DUT: variants seen among roughly 807,000 people sequenced by gnomAD.
DUT encodes the protein deoxyuridine triphosphatase.
DUT carries 21 observed loss-of-function variants against 28.8 expected under a neutral mutation model. The observed-to-expected ratio is 0.73, with a 90% CI of 0.52 to 1.05. The LOEUF is 1.05. Among genes scored for constraint, DUT ranks in the 50% least tolerant of loss-of-function variants. The pLI is 0.00. For missense variants in DUT, 344 were observed against 351.8 expected (o/e 0.98, Z 0.18); for synonymous variants, 147 against 143.7 (o/e 1.02, Z -0.17).
Position 48,331,511 on chromosome 15 carries a change from G to A in DUT, c.-5G>A, listed in dbSNP as rs752895939. 3 of 1,611,522 alleles carry A rather than the reference G, an allele frequency of 1.9e-6. No individual in the cohort carries two copies. Among genetic ancestry groups the A allele is most frequent in the African/African-American group, 2.7e-5 (2 of 74,804 alleles). On this transcript the variant is annotated 5_prime_UTR_variant, in exon 1 of 7. Coordinates refer to ENST00000331200, the MANE Select transcript of DUT (RefSeq NM_001025248.2). ...AGGACCCAACCAGCCCAAACTCTGG[G>A]GGAAATGACTCCCCTCTGCCCTCGC...
rs749184015 is a variant in DUT, at chr15:48,331,824, C to A, written c.280+29C>A. On this transcript the variant is annotated intron_variant, in intron 1 of 6. Transcript: ENST00000331200. ...GGAAAGGCGGGGGAGGGGCTCCGGC[C>A]GTCTGGAAGGAATCCACGCGGCTTG... 5.8e-6 allele frequency: 7 copies of A among 1,208,330 alleles called. No homozygotes were observed. The South Asian group carries it at 9.8e-5, about 17-fold the overall frequency. 74.9% of individuals were successfully genotyped at this position (1,208,330 alleles called of 1,614,324 possible).
In DUT at chr15:48,342,035, C is replaced by A. The variant is rs2042541945; in HGVS notation, c.716C>A (p.Thr239Asn). 1 of 1,579,216 alleles carries A rather than the reference C, an allele frequency of 6.3e-7. No homozygotes were observed. Among genetic ancestry groups the A allele is most frequent in the Non-Finnish European group, 8.6e-7 (1 of 1,167,478 alleles). ...TCTATCTTTCAGGCCTTGGATGACA[C>A]CGAAAGGGGTTCAGGAGGTTTTGGT... ...EIEEVQALDDTERGSGGFGST... is the reference protein window; with the variant it reads ...EIEEVQALDDNERGSGGFGST... The change falls in exon 7 of 7, where the codon ACC becomes AAC. Residue 239 changes from threonine to asparagine, a missense_variant. Coordinates refer to ENST00000331200, the MANE Select transcript of DUT (RefSeq NM_001025248.2).
rs2042546781 is a variant in DUT at position 48,342,263 on chromosome 15, A to T, written c.*185A>T. On this transcript the variant is annotated 3_prime_UTR_variant, in exon 7 of 7. Coordinates refer to ENST00000331200, the MANE Select transcript of DUT (RefSeq NM_001025248.2). ...AAGATCATTAAAAAAAAACACAAAG[A>T]AGTTTTTCTTTGTGTTTGGATCAAA... The T allele has an allele frequency of 2.7e-6, 1 of 373,778 alleles. No homozygotes were observed. The highest frequency in any genetic ancestry group is 4.8e-6 in the Non-Finnish European group (1 of 210,168). 23.2% of individuals were successfully genotyped at this position (373,778 alleles called of 1,614,324 possible).
intron 4 of DUT, among the ~76,000 whole-genome samples, chr15:48,337,617 T>G (rs1326225328): frequency 1.3e-5 from 2 of 152,220 alleles, no homozygotes; most frequent in Non-Finnish European, 2.9e-5. Context: ...ACTTTTTCTT[T>G]TATTCGACTT....
At chr15:48,333,820 C>T (rs1229101086) in intron 2 of DUT, among the ~76,000 whole-genome samples, 1 of 152,226 alleles carries the variant, frequency 6.6e-6, no homozygotes, top group Non-Finnish European at 1.5e-5. Context: ...ACAGATACAA[C>T]ACAGTTCTTT....
chr15:48,332,543 A>G, intron 2 of DUT, 137 bp downstream of exon 2: 1 of 849,828 alleles, frequency 1.2e-6, no homozygotes, highest in Non-Finnish European at 1.8e-6. Flanking sequence ...TTAAAATTTT[A>G]GCTTTCATCT....
chr15:48,331,878 G>C (rs2042416325), intron 1 of DUT, 83 bp downstream of exon 1: 3 of 724,198 alleles, frequency 4.1e-6, no homozygotes, highest in Non-Finnish European at 5.5e-6. Flanking sequence ...GGTGGCGAGC[G>C]GTCCTTCTGC....
chr15:48,332,723 A>G (rs979261138), intron 2 of DUT: 2 of 571,614 alleles, frequency 3.5e-6, no homozygotes, highest in African/African-American at 3.7e-5. Context: ...TGCTGTGCTC[A>G]ATAGAAAAAC....
rs1395732134 is a variant in DUT, at chr15:48,341,546, T to C, written c.663T>C (p.Ile221=). The part of the protein sequence containing the change: ...VKKGDRIAQL[I]CERIFYPEIE... ...AAGGTGATCGAATTGCACAGCTCAT[T>C]TGCGAACGGATTTTTTATCCAGAAA... Residue 221 remains isoleucine, a synonymous_variant, in exon 6 of 7, where the codon ATT becomes ATC. Coordinates refer to ENST00000331200, the MANE Select transcript of DUT (RefSeq NM_001025248.2). The C allele has an allele frequency of 6.2e-7, 1 of 1,613,120 alleles. No individual in the cohort carries two copies. The highest frequency in any genetic ancestry group is 8.5e-7 in the Non-Finnish European group (1 of 1,179,462).
At chr15:48,339,463 AT>A (rs2042509546) in intron 4 of DUT, among the ~76,000 whole-genome samples, 1 of 152,030 alleles carries the variant, frequency 6.6e-6, no homozygotes, top group Non-Finnish European at 1.5e-5. Context: ...TACTGTGGCC[AT>A]TTTTTCTAGC....
intron 4 of DUT, among the ~76,000 whole-genome samples, chr15:48,338,843 A>G (rs1253510093): frequency 6.6e-6 from 1 of 152,242 alleles, no homozygotes; most frequent in Non-Finnish European, 1.5e-5. Flanking sequence ...GTTACATAGA[A>G]ACAATGGTAC....
rs1254346671 is a variant in DUT at position 48,342,264 on chromosome 15, A to T, written c.*186A>T. 1 of 373,236 alleles carries T rather than the reference A, an allele frequency of 2.7e-6. No individual in the cohort carries two copies. Among genetic ancestry groups the T allele is most frequent in the Non-Finnish European group, 4.8e-6 (1 of 209,976 alleles). 23.1% of individuals were successfully genotyped at this position (373,236 alleles called of 1,614,324 possible). ...AGATCATTAAAAAAAAACACAAAGA[A>T]GTTTTTCTTTGTGTTTGGATCAAAA... On this transcript the variant is annotated 3_prime_UTR_variant, in exon 7 of 7. Coordinates refer to ENST00000331200, the MANE Select transcript of DUT (RefSeq NM_001025248.2).
At chr15:48,334,383 G>C (rs2042452294) in intron 2 of DUT, 34 bp from the exon 3 acceptor site, 1 of 1,358,594 alleles carries the variant, frequency 7.4e-7, no homozygotes, top group Non-Finnish European at 1.0e-6. Context: ...TTTATAAATA[G>C]ATTTGCAGTT....
chr15:48,341,983 A>C, intron 6 of DUT, 39 bp from the exon 7 acceptor site: 2 of 1,509,726 alleles, frequency 1.3e-6, no homozygotes. Flanking sequence ...AGAGGCTCTT[A>C]AAAAAAACTG....
intron 2 of DUT, among the ~76,000 whole-genome samples, chr15:48,333,328 C>T: frequency 6.6e-6 from 1 of 152,236 alleles, no homozygotes; most frequent in Middle Eastern, 3.4e-3. Flanking sequence ...AAACTACAGT[C>T]TCTTAATTTT....
chr15:48,332,198 T>C (rs2141156369), intron 1 of DUT, 70 bp from the exon 2 acceptor site: 2 of 1,510,310 alleles, frequency 1.3e-6, no homozygotes, highest in Non-Finnish European at 1.8e-6. Context: ...GCGACGCTCA[T>C]CGTGCGCTCT....
At chr15:48,338,140 G>T (rs1394472408) in intron 4 of DUT, among the ~76,000 whole-genome samples, 1 of 151,824 alleles carries the variant, frequency 6.6e-6, no homozygotes, top group Non-Finnish European at 1.5e-5. Context: ...ATGGCAATTG[G>T]GTGGTAAATG....
intron 4 of DUT, among the ~76,000 whole-genome samples, chr15:48,336,807 C>T (rs916686130): frequency 4.6e-5 from 7 of 152,112 alleles, no homozygotes; most frequent in African/African-American, 1.7e-4. Flanking sequence ...TCTCCTCCTC[C>T]ACCCGTTTTT....
At position 48,331,579 on chromosome 15, in the gene DUT, G is replaced by C. The variant is rs1157806389; in HGVS notation, c.64G>C (p.Ala22Pro). The C allele has an allele frequency of 6.2e-7, 1 of 1,602,110 alleles. No individual in the cohort carries two copies. The highest frequency in any genetic ancestry group is 8.5e-7 in the Non-Finnish European group (1 of 1,175,360). Residue 22 changes from alanine to proline, a missense_variant, in exon 1 of 7, where the codon GCG becomes CCG. Physicochemically the swap from Ala to Pro is conservative, Grantham distance 27. Transcript: ENST00000331200. Reference sequence around the variant, plus strand: ...TTTCCTTACGTCTCTGCTTCGCTCAGCGATGCAAAACGCGCGAGGCGCACG... The same window carrying C: ...TTTCCTTACGTCTCTGCTTCGCTCACCGATGCAAAACGCGCGAGGCGCACG... The part of the protein sequence containing the change: ...YHFLTSLLRS[A>P]MQNARGARQR...
Sources: gnomAD v4.1 joint callset for allele counts (sites outside exome capture counted in the v4.1 genomes callset) on GRCh38, gnomAD v4.1.1 for gene constraint, MANE v1.5 for transcripts, NCBI Gene and HGNC (gene_info 2026-07-23, HGNC 2026-07-21) for gene names.